Variants in ARHGEF12 observed in about 807,000 individuals in gnomAD.
ARHGEF12 encodes Rho guanine nucleotide exchange factor 12.
In ARHGEF12, 66 loss-of-function variants were observed where a neutral mutation model predicts 211.2. The observed-to-expected ratio is 0.31, with a 90% confidence interval of 0.26 to 0.38. The LOEUF (loss-of-function observed/expected upper bound fraction) is 0.38. Ranked by LOEUF, ARHGEF12 falls within the 10% of genes least tolerant of loss-of-function variation. The pLI is 1.00. For synonymous variants in ARHGEF12, 592 were observed against 638.4 expected, an observed-to-expected ratio of 0.93 and a Z score of 1.09; for missense variants, 1,429 against 1,869.5, an observed-to-expected ratio of 0.76 and a Z score of 4.34.
intron 12 of ARHGEF12, among the ~76,000 whole-genome samples, chr11:120,438,289 AT>A (rs1945755240): frequency 6.9e-6 from 1 of 144,150 alleles, no homozygotes; most frequent in South Asian, 2.2e-4. Flanking sequence ...GTTTCACCTA[AT>A]TTCTTTTTTT....
intron 15 of ARHGEF12, 82 bp from the exon 16 acceptor site, chr11:120,445,340 T>G: frequency 7.2e-7 from 1 of 1,386,122 alleles, no homozygotes; most frequent in Non-Finnish European, 1.0e-6. Context: ...CCAAGTTGTA[T>G]CCCCTTACTT....
At chr11:120,459,881 G>A (rs1175638423) in intron 26 of ARHGEF12, among the ~76,000 whole-genome samples, 2 of 151,994 alleles carry the variant, frequency 1.3e-5, no homozygotes, top group Non-Finnish European at 2.9e-5. Flanking sequence ...GCTAATTTTT[G>A]TATTTTTCGT....
chr11:120,441,506 C>T (rs1412052777), intron 13 of ARHGEF12, among the ~76,000 whole-genome samples: 1 of 152,162 alleles, frequency 6.6e-6, no homozygotes, highest in African/African-American at 2.4e-5. Flanking sequence ...TTCTTCTAAC[C>T]TATCCCCAAG....
chr11:120,458,058 A>G lies in ARHGEF12; in HGVS notation c.2226-22A>G. Reference sequence around the variant, plus strand: ...TGTCCACCTAAAGTCTTCAAATTGAATTCACTCTTTTTTCTTCATAGGTTT... The same window carrying G: ...TGTCCACCTAAAGTCTTCAAATTGAGTTCACTCTTTTTTCTTCATAGGTTT... On this transcript the variant is annotated intron_variant, in intron 24 of 40. Transcript: ENST00000397843. 3 of 1,595,112 alleles carry G rather than the reference A, an allele frequency of 1.9e-6. No homozygotes were observed. The South Asian group carries it at 3.5e-5, about 18-fold the overall frequency.
intron 12 of ARHGEF12, 59 bp downstream of exon 12, chr11:120,437,441 A>G (rs1373786913): frequency 1.0e-5 from 14 of 1,353,370 alleles, no homozygotes; most frequent in South Asian, 7.6e-5. Flanking sequence ...TACTTAAAGT[A>G]TGGTATAGAC....
At chr11:120,351,899 G>A (rs1486816414) in intron 1 of ARHGEF12, among the ~76,000 whole-genome samples, 1 of 152,080 alleles carries the variant, frequency 6.6e-6, no homozygotes, top group Non-Finnish European at 1.5e-5. Flanking sequence ...GGAAAAATGA[G>A]CCTCTGAGAG....
At chr11:120,403,604 T>G (rs1644226207) in intron 1 of ARHGEF12, among the ~76,000 whole-genome samples, 1 of 152,196 alleles carries the variant, frequency 6.6e-6, no homozygotes, top group South Asian at 2.1e-4. Flanking sequence ...GTTCTTCATT[T>G]TGGAATTTGA....
intron 38 of ARHGEF12, 90 bp downstream of exon 38, chr11:120,480,520 GGT>G (rs143487914): frequency 0.029 from 26,796 of 919,924 alleles, 12 homozygotes; most frequent in East Asian, 0.058. Flanking sequence ...TTGGTATCCA[GGT>G]GTGTGTGTGT....
At chr11:120,375,333 G>A (rs1369981442) in intron 1 of ARHGEF12, among the ~76,000 whole-genome samples, 1 of 152,076 alleles carries the variant, frequency 6.6e-6, no homozygotes, top group Non-Finnish European at 1.5e-5. Flanking sequence ...TAAGCATTGG[G>A]AAGTATTTTT....
chr11:120,359,724 A>G (rs1315283345), intron 1 of ARHGEF12, among the ~76,000 whole-genome samples: 2 of 152,226 alleles, frequency 1.3e-5, no homozygotes, highest in African/African-American at 4.8e-5. Context: ...CCAGAAAGAC[A>G]GTTAATATAG....
intron 1 of ARHGEF12, among the ~76,000 whole-genome samples, chr11:120,369,475 A>C (rs1033112226): frequency 6.6e-6 from 1 of 152,152 alleles, no homozygotes; most frequent in African/African-American, 2.4e-5. Context: ...TTCAGAGATA[A>C]AGGAGAGCTA....
At position 120,367,353 on chromosome 11, in the gene ARHGEF12, C is replaced by CTTTTTTTTTTTTTTTTT. The variant is rs1025919456; in HGVS notation, c.32+30092_32+30108dup. ...AAAAAATCTGTTAGGATACTTTTTC[C>CTTTTTTTTTTTTTTTTT]TTTTTTTTTTTTTTTTTTTTTTTTT... On this transcript the variant is annotated intron_variant, in intron 1 of 40. Transcript: ENST00000397843. Among the ~76,000 whole-genome samples, 103 of 59,354 alleles carry CTTTTTTTTTTTTTTTTT rather than the reference C, an allele frequency of 1.7e-3. 31 individuals are homozygous for CTTTTTTTTTTTTTTTTT. Among genetic ancestry groups the CTTTTTTTTTTTTTTTTT allele is most frequent in the African/African-American group, 2.9e-3 (37 of 12,950 alleles). 38.9% of individuals were successfully genotyped at this position (59,354 alleles called of 152,430 possible).
chr11:120,486,446 T>C lies in ARHGEF12; in HGVS notation c.*1369T>C. 4.3e-6 allele frequency: 1 copy of C among 231,706 alleles called. No individual in the cohort carries two copies. The highest frequency in any genetic ancestry group is 8.5e-6 in the Non-Finnish European group (1 of 116,976). The allele number at this position is 231,706 out of a possible 1,614,324, so 14.4% of individuals were successfully genotyped here. The stretch of plus-strand genomic sequence containing the variant: ...AGGCAAGGTGTTGGTAACTGCCTGC[T>C]CTAGGATGAATAGTAGCGTTAGCAG... On this transcript the variant is annotated 3_prime_UTR_variant, in exon 41 of 41. Coordinates refer to ENST00000397843, the MANE Select transcript of ARHGEF12 (RefSeq NM_015313.3).
intron 7 of ARHGEF12, among the ~76,000 whole-genome samples, chr11:120,425,618 G>C (rs1945322363): frequency 6.6e-6 from 1 of 151,782 alleles, no homozygotes. Context: ...TTTTCTAATT[G>C]CTTCACATAC....
At chr11:120,427,974 A>G in intron 7 of ARHGEF12, 95 bp from the exon 8 acceptor site, 1 of 1,062,558 alleles carries the variant, frequency 9.4e-7, no homozygotes, top group African/African-American at 1.6e-5. Context: ...TGGATCTTTT[A>G]GAACTATCGA....
At chr11:120,483,087 A>T (rs140672673) in intron 39 of ARHGEF12, among the ~76,000 whole-genome samples, 140 of 152,258 alleles carry the variant, frequency 9.2e-4, no homozygotes, top group Non-Finnish European at 1.7e-3. Flanking sequence ...AACTTCACAG[A>T]GTGTACTTAC....
rs148545581 is a variant in ARHGEF12 at position 120,488,474 on chromosome 11, A to G, written c.*3397A>G. On this transcript the variant is annotated 3_prime_UTR_variant, in exon 41 of 41. Transcript: ENST00000397843. ...TCATTTTTTTCCTGATATTTCCACC[A>G]CTTTTCAGAGTCATCTACAAAATTT... The G allele has an allele frequency of 4.5e-3, 984 of 216,768 alleles. 8 individuals carry two copies. Among genetic ancestry groups the G allele is most frequent in the African/African-American group, 0.021 (946 of 44,478 alleles). 13.4% of individuals were successfully genotyped at this position (216,768 alleles called of 1,614,324 possible). A position where few individuals can be genotyped will look rare whatever the true frequency, so the allele number is the denominator to read the frequency against.
intron 1 of ARHGEF12, among the ~76,000 whole-genome samples, chr11:120,373,601 T>C (rs953775856): frequency 3.9e-5 from 6 of 152,202 alleles, no homozygotes; most frequent in African/African-American, 2.4e-5. Flanking sequence ...TGGTACGATA[T>C]TCTATTATAT....
In ARHGEF12 at chr11:120,481,574, A is replaced by C; in HGVS notation, c.4552A>C (p.Lys1518Gln). Reference sequence around the variant, plus strand: ...GATAGAGGCTGACCTTGAACACTTAAAGGTACCTCATACTTCCACATCCAT... The same window carrying C: ...GATAGAGGCTGACCTTGAACACTTACAGGTACCTCATACTTCCACATCCAT... The part of the protein sequence containing the change: ...HKIEADLEHL[K>Q]KVEESYTILC... Residue 1518 changes from lysine to glutamine, a missense_variant and splice_region_variant, in exon 39 of 41, where the codon AAG becomes CAG. Physicochemically the swap from Lys to Gln is moderately conservative, Grantham distance 53. Transcript: ENST00000397843. 1 of 1,613,176 alleles carries C rather than the reference A, an allele frequency of 6.2e-7. No individual in the cohort carries two copies. Among genetic ancestry groups the C allele is most frequent in the Non-Finnish European group, 8.5e-7 (1 of 1,179,262 alleles).
Sources: allele counts gnomAD v4.1 joint callset (sites outside exome capture counted in the v4.1 genomes callset), GRCh38; gene constraint gnomAD v4.1.1; transcripts MANE v1.5; gene names NCBI Gene and HGNC (gene_info 2026-07-23, HGNC 2026-07-21).